TENM4: variants seen among roughly 807,000 people sequenced by gnomAD.
TENM4 encodes the protein teneurin-4.
In TENM4, 82 loss-of-function variants were observed where a neutral mutation model predicts 243.3. The ratio of observed to expected loss-of-function variants is 0.34; its 90% CI spans 0.28 to 0.40. The LOEUF (loss-of-function observed/expected upper bound fraction) is 0.40, where lower values mean the gene tolerates loss of function less well. TENM4 is among the 10% of genes least tolerant of loss of function. The probability of loss-of-function intolerance (pLI) is 1.00; values close to 1 mark genes in which losing one functional copy is unlikely to be tolerated. For missense variants in TENM4, 3,138 were observed against 3,673.3 expected (o/e 0.85, Z 3.77); for synonymous variants, 1,412 against 1,456.3 (o/e 0.97, Z 0.69).
rs576992240 is a variant in TENM4 at position 79,130,472 on chromosome 11, A to G, written c.-66+18238T>C. On this transcript the variant is annotated intron_variant, in intron 4 of 33. Coordinates refer to ENST00000278550, the MANE Select transcript of TENM4 (RefSeq NM_001098816.3). ...ACCAGAGAAAGGCAAAGCCCAATGCAAAGGAAAAAAAAAATACAAGAAGTG... is the reference window on the plus strand; with the variant it reads ...ACCAGAGAAAGGCAAAGCCCAATGCGAAGGAAAAAAAAAATACAAGAAGTG... 1.5e-4 allele frequency among the ~76,000 whole-genome samples: 4 copies of G among 26,270 alleles called. No homozygotes were observed. The South Asian group carries it at 2.4e-3, about 16-fold the overall frequency. 17.2% of individuals were successfully genotyped at this position (26,270 alleles called of 152,430 possible).
chr11:79,006,386 T>C (rs1858486509), intron 6 of TENM4, among the ~76,000 whole-genome samples: 9 of 152,208 alleles, frequency 5.9e-5, no homozygotes, highest in Admixed American at 5.2e-4. Flanking sequence ...AGGATAGCTA[T>C]GATATACGCA....
chr11:79,077,964 T>C (rs1318310157), intron 4 of TENM4, among the ~76,000 whole-genome samples: 2 of 152,008 alleles, frequency 1.3e-5, no homozygotes, highest in South Asian at 2.1e-4. Flanking sequence ...GAAGGGGAGA[T>C]ATGGGAAATA....
intron 2 of TENM4, among the ~76,000 whole-genome samples, chr11:79,230,187 T>A (rs1864348860): frequency 6.6e-6 from 1 of 152,180 alleles, no homozygotes; most frequent in Non-Finnish European, 1.5e-5. Context: ...TAGCCACACC[T>A]TGAAGACCAT....
chr11:78,749,267 T>C (rs1856124770), intron 19 of TENM4: 1 of 152,072 alleles, frequency 6.6e-6, no homozygotes, highest in African/African-American at 2.4e-5. Context: ...AAAACCAACA[T>C]GAATAATATA....
intron 28 of TENM4, among the ~76,000 whole-genome samples, chr11:78,695,030 T>C (rs1858921756): frequency 6.6e-6 from 1 of 150,690 alleles, no homozygotes; most frequent in African/African-American, 2.4e-5. Flanking sequence ...CAGCGTCCTT[T>C]ATTTTTATTT....
At chr11:78,750,214 CTGAAA>C (rs1342279800) in intron 19 of TENM4, among the ~76,000 whole-genome samples, 2 of 152,192 alleles carry the variant, frequency 1.3e-5, no homozygotes, top group Admixed American at 6.5e-5. Context: ...ACACATGTAA[CTGAAA>C]TAAGTTTCAT....
intron 2 of TENM4, among the ~76,000 whole-genome samples, chr11:79,235,458 G>T (rs1191880801): frequency 6.6e-6 from 1 of 152,092 alleles, no homozygotes; most frequent in Non-Finnish European, 1.5e-5. Context: ...CTAGTCATGC[G>T]GCCTGACACA....
intron 1 of TENM4, among the ~76,000 whole-genome samples, chr11:79,368,084 G>C (rs908184419): frequency 2.0e-5 from 3 of 152,120 alleles, no homozygotes; most frequent in African/African-American, 7.2e-5. Flanking sequence ...TTCGGGGCAG[G>C]AAGGCACCAA....
At chr11:79,312,438 A>G (rs1856737581) in intron 1 of TENM4, among the ~76,000 whole-genome samples, 1 of 152,268 alleles carries the variant, frequency 6.6e-6, no homozygotes, top group African/African-American at 2.4e-5. Context: ...TTAATACCAT[A>G]CATATATTAG....
intron 12 of TENM4, among the ~76,000 whole-genome samples, chr11:78,822,852 G>A (rs745393357): frequency 6.6e-6 from 1 of 152,166 alleles, no homozygotes; most frequent in Non-Finnish European, 1.5e-5. Context: ...CATCATGTTC[G>A]TGGCCGGGCA....
intron 3 of TENM4, among the ~76,000 whole-genome samples, chr11:79,211,257 C>T (rs1863949756): frequency 6.6e-6 from 1 of 152,204 alleles, no homozygotes; most frequent in South Asian, 2.1e-4. Flanking sequence ...GGTCTCCCTA[C>T]AGCAGTGAGG....
chr11:79,195,936 G>A (rs180789655), intron 3 of TENM4, among the ~76,000 whole-genome samples: 82 of 152,248 alleles, frequency 5.4e-4, no homozygotes, highest in African/African-American at 1.9e-3. Flanking sequence ...TGTGTTGTGG[G>A]AGAGACCAGC....
intron 2 of TENM4, among the ~76,000 whole-genome samples, chr11:79,249,617 C>T (rs567097002): frequency 4.6e-5 from 7 of 152,318 alleles, no homozygotes; most frequent in South Asian, 2.1e-4. Context: ...AATATTCACA[C>T]GCAGTATTTA....
chr11:79,284,054 C>A (rs1275468174), intron 2 of TENM4, among the ~76,000 whole-genome samples: 1 of 151,992 alleles, frequency 6.6e-6, no homozygotes, highest in African/African-American at 2.4e-5. Flanking sequence ...GAAATTAAAG[C>A]CGCCTTGAAT....
At chr11:78,910,888 T>G (rs1856170026) in intron 6 of TENM4, among the ~76,000 whole-genome samples, 1 of 152,182 alleles carries the variant, frequency 6.6e-6, no homozygotes, top group Admixed American at 6.5e-5. Context: ...AAATCCCAGA[T>G]GGACTCACAC....
At chr11:79,080,327 A>G (rs1242719210) in intron 4 of TENM4, among the ~76,000 whole-genome samples, 2 of 152,250 alleles carry the variant, frequency 1.3e-5, no homozygotes, top group Non-Finnish European at 2.9e-5. Context: ...TGTCAGAAGG[A>G]CAAACACGTC....
rs748691958 is a variant in TENM4, at chr11:78,732,401, C to T, written c.3053G>A (p.Arg1018His). The T allele has an allele frequency of 6.4e-5, 103 of 1,613,872 alleles. No homozygotes were observed. The East Asian group carries it at 6.9e-4, about 11-fold the overall frequency. ...IPSCDLSNFA[R>H]PNPVVSPSPL... The stretch of plus-strand genomic sequence containing the variant: ...GGATGGAGAGACGACTGGGTTGGGG[C>T]GGGCAAAATTGCTCAGGTCACAGCT... Residue 1018 changes from arginine to histidine, a missense_variant, in exon 21 of 34, where the codon CGC (arginine) becomes CAC (histidine). Arg to His is a conservative substitution (Grantham distance 29). Transcript: ENST00000278550.
chr11:79,238,809 T>C (rs946614149), intron 2 of TENM4, among the ~76,000 whole-genome samples: 1 of 152,100 alleles, frequency 6.6e-6, no homozygotes, highest in Non-Finnish European at 1.5e-5. Flanking sequence ...TGGATCACCA[T>C]AGGTCAGGAG....
At chr11:79,210,804 G>A (rs899296221) in intron 3 of TENM4, among the ~76,000 whole-genome samples, 6 of 151,994 alleles carry the variant, frequency 3.9e-5, no homozygotes, top group Non-Finnish European at 8.8e-5. Flanking sequence ...TCTAGATAAC[G>A]GGCATTACTT....
Sources: allele counts gnomAD v4.1 joint callset (sites outside exome capture counted in the v4.1 genomes callset), GRCh38; gene constraint gnomAD v4.1.1; transcripts MANE v1.5; gene names NCBI Gene and HGNC (gene_info 2026-07-23, HGNC 2026-07-21).